The following PXDNL variants were observed in gnomAD, a reference collection of about 807,000 sequenced individuals.
The protein encoded by PXDNL is probable oxidoreductase PXDNL.
Under a neutral mutation model 150.8 loss-of-function variants are expected in PXDNL, and 145 were observed. The observed-to-expected ratio is 0.96, with a 90% CI of 0.84 to 1.10. PXDNL has a LOEUF of 1.10. PXDNL is among the 50% of genes least tolerant of loss of function. The pLI is 0.00. For synonymous variants in PXDNL, 757 were observed against 725.7 expected (o/e 1.04, Z -0.69); for missense variants, 2,087 against 1,873.9 (o/e 1.11, Z -2.10).
At chr8:51,397,976 C>A (rs1808138410) in intron 17 of PXDNL, among the ~76,000 whole-genome samples, 1 of 150,816 alleles carries the variant, frequency 6.6e-6, no homozygotes, top group Non-Finnish European at 1.5e-5. Context: ...TTCATTTAAA[C>A]AATTGCTCAG....
intron 1 of PXDNL, among the ~76,000 whole-genome samples, chr8:51,737,724 T>G (rs1817066853): frequency 6.6e-6 from 1 of 150,768 alleles, no homozygotes; most frequent in Admixed American, 6.7e-5. Flanking sequence ...TCACATTCAG[T>G]GCAGTTATCT....
At chr8:51,713,059 A>C (rs1042773355) in intron 1 of PXDNL, among the ~76,000 whole-genome samples, 2 of 152,236 alleles carry the variant, frequency 1.3e-5, no homozygotes, top group African/African-American at 4.8e-5. Context: ...TGAGTCAATA[A>C]AAATTCTGCT....
intron 4 of PXDNL, among the ~76,000 whole-genome samples, chr8:51,537,071 C>G (rs1294003423): frequency 1.3e-5 from 2 of 152,172 alleles, no homozygotes; most frequent in Non-Finnish European, 2.9e-5. Context: ...GAAAAGCAAA[C>G]ATAAATCCCA....
At chr8:51,343,609 C>A (rs1806055365) in intron 20 of PXDNL, among the ~76,000 whole-genome samples, 1 of 152,070 alleles carries the variant, frequency 6.6e-6, no homozygotes, top group Admixed American at 6.6e-5. Flanking sequence ...CAAAAACAAG[C>A]AAAATGAGTC....
chr8:51,762,967 T>C (rs1431802723), intron 1 of PXDNL, among the ~76,000 whole-genome samples: 1 of 152,222 alleles, frequency 6.6e-6, no homozygotes, highest in Non-Finnish European at 1.5e-5. Flanking sequence ...AAAATTTATC[T>C]ATTTAAAATG....
intron 1 of PXDNL, among the ~76,000 whole-genome samples, chr8:51,678,094 G>T (rs1164357363): frequency 6.6e-6 from 1 of 152,196 alleles, no homozygotes; most frequent in Non-Finnish European, 1.5e-5. Context: ...TATGAAGAAG[G>T]ATATCTTTGG....
chr8:51,471,101 C>G (rs1810319938), intron 8 of PXDNL, among the ~76,000 whole-genome samples: 1 of 135,804 alleles, frequency 7.4e-6, no homozygotes, highest in African/African-American at 2.8e-5. Flanking sequence ...TGACAAAGGG[C>G]TAATATCCAG....
At chr8:51,554,906 G>A (rs987608327) in intron 4 of PXDNL, among the ~76,000 whole-genome samples, 16 of 152,132 alleles carry the variant, frequency 1.1e-4, no homozygotes, top group Non-Finnish European at 2.4e-4. Context: ...TTAATGATCT[G>A]TTCATGGCAA....
chr8:51,552,051 A>C (rs1468509481), intron 4 of PXDNL, among the ~76,000 whole-genome samples: 1 of 152,170 alleles, frequency 6.6e-6, no homozygotes, highest in Admixed American at 6.5e-5. Flanking sequence ...AAGGTATACA[A>C]ATGGCCAACA....
At chr8:51,527,885 G>C (rs1018702920) in intron 4 of PXDNL, among the ~76,000 whole-genome samples, 1 of 152,306 alleles carries the variant, frequency 6.6e-6, no homozygotes, top group East Asian at 1.9e-4. Context: ...TGGAGGTTAG[G>C]AGTGTGGATC....
chr8:51,393,457 T>C (rs916393530), intron 17 of PXDNL, among the ~76,000 whole-genome samples: 3 of 152,204 alleles, frequency 2.0e-5, no homozygotes, highest in African/African-American at 7.2e-5. Context: ...ATCAGAGCCT[T>C]TATTGCTGTA....
At chr8:51,556,701 C>T (rs1225650303) in intron 4 of PXDNL, 139 bp downstream of exon 4, 1 of 635,034 alleles carries the variant, frequency 1.6e-6, no homozygotes, top group Non-Finnish European at 2.9e-6. Flanking sequence ...TTTTATCCAA[C>T]TGATGACAGA....
intron 1 of PXDNL, among the ~76,000 whole-genome samples, chr8:51,791,696 A>G (rs964448687): frequency 1.3e-5 from 2 of 152,188 alleles, no homozygotes; most frequent in Admixed American, 1.3e-4. Flanking sequence ...CCCCCTTAGT[A>G]GAGTTAGCTT....
At chr8:51,362,473 T>G (rs1281293008) in intron 19 of PXDNL, among the ~76,000 whole-genome samples, 1 of 152,282 alleles carries the variant, frequency 6.6e-6, no homozygotes, top group African/African-American at 2.4e-5. Context: ...TATCTGCCTA[T>G]GTACATTAGA....
chr8:51,788,543 T>G (rs576671051), intron 1 of PXDNL, among the ~76,000 whole-genome samples: 29 of 152,236 alleles, frequency 1.9e-4, no homozygotes, highest in Non-Finnish European at 3.5e-4. Flanking sequence ...GTGTAACTAG[T>G]ATAAGCTGCT....
At chr8:51,365,127 G>T (rs1806874822) in intron 19 of PXDNL, among the ~76,000 whole-genome samples, 1 of 152,006 alleles carries the variant, frequency 6.6e-6, no homozygotes, top group South Asian at 2.1e-4. Flanking sequence ...TAGTAGAGAT[G>T]GGGTTTTACT....
At chr8:51,479,476 T>C (rs1047794048) in intron 6 of PXDNL, among the ~76,000 whole-genome samples, 16 of 152,324 alleles carry the variant, frequency 1.1e-4, no homozygotes, top group Non-Finnish European at 2.1e-4. Flanking sequence ...CCACATAGGA[T>C]TGAAAAACAA....
rs935229784 is a variant in PXDNL at position 51,349,153 on chromosome 8, C to T, written c.3902-3206G>A. Among the ~76,000 whole-genome samples, 13 of 97,140 alleles carry T rather than the reference C, an allele frequency of 1.3e-4. No homozygotes were observed. In the East Asian group the frequency reaches 6.1e-3, roughly 45 times the overall value. 63.7% of individuals were successfully genotyped at this position (97,140 alleles called of 152,430 possible). A position where few individuals can be genotyped will look rare whatever the true frequency, so the allele number is the denominator to read the frequency against. On this transcript the variant is annotated intron_variant, in intron 19 of 22. Coordinates refer to ENST00000356297, the MANE Select transcript of PXDNL (RefSeq NM_144651.5). The stretch of plus-strand genomic sequence containing the variant: ...GATAACTCGTGTTCAAGAGGCATAA[C>T]GGTGGGTGGGTGTGTGTGTGGGGGT...
rs138170392 is a variant in PXDNL at position 51,654,974 on chromosome 8, G to A, written c.165-214C>T. ...TTTGCATCTCTGGGGCCATATGCTTGTCACAGGATGCCAGACAAATGTGGC... is the reference window on the plus strand; with the variant it reads ...TTTGCATCTCTGGGGCCATATGCTTATCACAGGATGCCAGACAAATGTGGC... On this transcript the variant is annotated intron_variant, in intron 1 of 22. Transcript: ENST00000356297. 7.1e-3 allele frequency among the ~76,000 whole-genome samples: 1,074 copies of A among 152,284 alleles called. 8 individuals carry two copies. Among genetic ancestry groups the A allele is most frequent in the Non-Finnish European group, 0.01 (702 of 68,032 alleles).
Sources: allele counts gnomAD v4.1 joint callset (sites outside exome capture counted in the v4.1 genomes callset), GRCh38; gene constraint gnomAD v4.1.1; transcripts MANE v1.5; gene names NCBI Gene and HGNC (gene_info 2026-07-23, HGNC 2026-07-21).